Variants in MMRN1 observed in about 807,000 individuals in gnomAD.
The protein encoded by MMRN1 is multimerin-1.
MMRN1 carries 94 observed loss-of-function variants against 100.7 expected under a neutral mutation model. The ratio of observed to expected loss-of-function variants is 0.93; its 90% confidence interval spans 0.79 to 1.11. MMRN1 has a LOEUF of 1.11. Ranked by LOEUF, MMRN1 falls within the 50% of genes least tolerant of loss-of-function variation. The probability of loss-of-function intolerance (pLI) is 0.00; values close to 1 mark genes in which losing one functional copy is unlikely to be tolerated. For synonymous variants in MMRN1, 575 were observed against 505.0 expected (o/e 1.14, Z -1.86); for missense variants, 1,606 against 1,439.1 (o/e 1.12, Z -1.88).
chr4:89,929,654 G>C (rs1017495421), intron 5 of MMRN1, among the ~76,000 whole-genome samples: 3 of 152,040 alleles, frequency 2.0e-5, no homozygotes, highest in African/African-American at 7.2e-5. Flanking sequence ...TGACACAGGA[G>C]AAAAATCACA....
At chr4:89,883,631 A>T (rs954377208) in intron 1 of MMRN1, among the ~76,000 whole-genome samples, 2 of 152,096 alleles carry the variant, frequency 1.3e-5, no homozygotes, top group Non-Finnish European at 2.9e-5. Context: ...TTCATTTTAT[A>T]TTTTGAATGG....
intron 3 of MMRN1, among the ~76,000 whole-genome samples, chr4:89,915,068 T>G (rs1034435559): frequency 6.6e-6 from 1 of 151,550 alleles, no homozygotes; most frequent in African/African-American, 2.4e-5. Flanking sequence ...CTACCATATG[T>G]TATGAATATA....
chr4:89,933,964 C>G (rs1192319247), intron 5 of MMRN1, among the ~76,000 whole-genome samples: 1 of 151,652 alleles, frequency 6.6e-6, no homozygotes, highest in East Asian at 1.9e-4. Flanking sequence ...TAGTCATTTT[C>G]TATTCTAAAT....
At chr4:89,914,542 A>T (rs979176585) in intron 3 of MMRN1, among the ~76,000 whole-genome samples, 1 of 151,494 alleles carries the variant, frequency 6.6e-6, no homozygotes, top group African/African-American at 2.4e-5. Flanking sequence ...ATTGGGGGAA[A>T]AAAGGAGTAC....
chr4:89,951,559 A>G (rs774443528), intron 6 of MMRN1, 46 bp from the exon 7 acceptor site: 1 of 1,433,974 alleles, frequency 7.0e-7, no homozygotes, highest in South Asian at 1.6e-5. Flanking sequence ...CAACAGGAAA[A>G]TAGGTCACTT....
chr4:89,925,983 C>G (rs757406259), intron 4 of MMRN1, among the ~76,000 whole-genome samples: 4 of 152,132 alleles, frequency 2.6e-5, no homozygotes, highest in Non-Finnish European at 5.9e-5. Context: ...CTGAATAATA[C>G]TCCATTGTGT....
chr4:89,936,919 G>T, intron 6 of MMRN1, 121 bp downstream of exon 6: 6 of 850,466 alleles, frequency 7.1e-6, no homozygotes, highest in Admixed American at 3.5e-5. Context: ...TGGATAGATA[G>T]TCAAGTTGTG....
At chr4:89,898,121 C>T (rs948626623) in intron 1 of MMRN1, among the ~76,000 whole-genome samples, 4 of 152,096 alleles carry the variant, frequency 2.6e-5, no homozygotes, top group Admixed American at 2.0e-4. Context: ...AGGTCCTTCA[C>T]TTTTGGACAC....
chr4:89,928,860 GTA>G (rs1722346794), intron 5 of MMRN1, among the ~76,000 whole-genome samples: 1 of 152,114 alleles, frequency 6.6e-6, no homozygotes, highest in Admixed American at 6.6e-5. Context: ...GCCATGTAAG[GTA>G]CATATTCATG....
At position 89,936,508 on chromosome 4, in the gene MMRN1, C is replaced by T. The variant is rs780626303; in HGVS notation, c.2828C>T (p.Ala943Val). The change falls in exon 6 of 8, where the codon GCT becomes GTT. Residue 943 changes from alanine to valine, a missense_variant. Physicochemically the swap from Ala to Val is moderately conservative, Grantham distance 64. Coordinates refer to ENST00000264790, the MANE Select transcript of MMRN1 (RefSeq NM_007351.3). Reference sequence around the variant, plus strand: ...TCTACAAGTGTGTCAGAACTGAATGCTACCATCCCTAAGTGGATAAAACAT... The same window carrying T: ...TCTACAAGTGTGTCAGAACTGAATGTTACCATCCCTAAGTGGATAAAACAT... ...NASTSVSELN[A>V]TIPKWIKHSL... 6 of 1,613,178 alleles carry T rather than the reference C, an allele frequency of 3.7e-6. No individual in the cohort carries two copies. The highest frequency in any genetic ancestry group is 5.1e-6 in the Non-Finnish European group (6 of 1,179,680).
intron 5 of MMRN1, among the ~76,000 whole-genome samples, chr4:89,929,680 C>G: frequency 6.6e-6 from 1 of 152,048 alleles, no homozygotes; most frequent in Non-Finnish European, 1.5e-5. Context: ...ACAGCAACAG[C>G]ATTAATAATG....
At chr4:89,939,247 A>G (rs898173065) in intron 6 of MMRN1, among the ~76,000 whole-genome samples, 2 of 152,186 alleles carry the variant, frequency 1.3e-5, no homozygotes, top group Non-Finnish European at 2.9e-5. Context: ...GCTCTCCCAC[A>G]TAACTAAAGC....
At position 89,935,484 on chromosome 4, in the gene MMRN1, G is replaced by T; in HGVS notation, c.1804G>T (p.Asp602Tyr). 6.2e-7 allele frequency: 1 copy of T among 1,613,442 alleles called. No individual in the cohort carries two copies. The change falls in exon 6 of 8, where the codon GAT (aspartate) becomes TAT (tyrosine). Residue 602 changes from aspartate to tyrosine, a missense_variant. Physicochemically the swap from Asp to Tyr is radical, Grantham distance 160 (BLOSUM62 -3). Transcript: ENST00000264790. ...AGACATGTTATCCAAATGCAGAAATGATTTTAAATTTCAACTTAAGGACAC... is the reference window on the plus strand; with the variant it reads ...AGACATGTTATCCAAATGCAGAAATTATTTTAAATTTCAACTTAAGGACAC... ...CEDMLSKCRN[D>Y]FKFQLKDTEE...
Position 89,936,202 on chromosome 4 carries a change from T to C in MMRN1, c.2522T>C (p.Met841Thr), listed in dbSNP as rs1040173960. ...TSQVRKYQQN[M>T]SHLEEKLLLT... ...CAAGTGAGAAAATACCAGCAAAATA[T>C]GAGTCATTTGGAAGAAAAACTACTC... Residue 841 changes from methionine (M) to threonine (T), a missense_variant, in exon 6 of 8, where the codon ATG becomes ACG. Transcript: ENST00000264790. The C allele has an allele frequency of 1.2e-6, 2 of 1,606,356 alleles. No individual in the cohort carries two copies. Among genetic ancestry groups the C allele is most frequent in the Non-Finnish European group, 1.7e-6 (2 of 1,178,018 alleles).
chr4:89,907,122 A>G (rs551365567), intron 1 of MMRN1, among the ~76,000 whole-genome samples: 1 of 151,626 alleles, frequency 6.6e-6, no homozygotes, highest in South Asian at 2.1e-4. Flanking sequence ...CATTTGCATG[A>G]GGAATCTAGT....
Position 89,935,920 on chromosome 4 carries a change from C to A in MMRN1, c.2240C>A (p.Ala747Asp), listed in dbSNP as rs753478923. 10 of 1,609,110 alleles carry A rather than the reference C, an allele frequency of 6.2e-6. No homozygotes were observed. Among genetic ancestry groups the A allele is most frequent in the Non-Finnish European group, 8.5e-6 (10 of 1,177,652 alleles). ...NAIDFIQDNY[A>D]LKETLSTIKD... ...ATTGATTTCATTCAAGATAACTATG[C>A]CCTAAAAGAGACTTTAAGTACTATT... The change falls in exon 6 of 8, where the codon GCC becomes GAC. Residue 747 changes from alanine (A) to aspartate (D), a missense_variant. By Grantham distance (126) the Ala-to-Asp change is moderately radical. Transcript: ENST00000264790.
At chr4:89,883,892 T>C (rs1720875146) in intron 1 of MMRN1, among the ~76,000 whole-genome samples, 1 of 152,142 alleles carries the variant, frequency 6.6e-6, no homozygotes, top group African/African-American at 2.4e-5. Context: ...TTTAAATCTA[T>C]GAAACATCTC....
chr4:89,905,032 A>G (rs952653545), intron 1 of MMRN1, among the ~76,000 whole-genome samples: 6 of 151,684 alleles, frequency 4.0e-5, no homozygotes, highest in African/African-American at 1.5e-4. Context: ...AATTATCCAC[A>G]TATGTCAGAC....
intron 3 of MMRN1, among the ~76,000 whole-genome samples, chr4:89,916,376 A>C (rs63472760): frequency 2.9e-5 from 4 of 139,870 alleles, no homozygotes; most frequent in South Asian, 2.3e-4. Context: ...AAAAAAAAAA[A>C]CAAACAAACA....
Sources: gnomAD v4.1 joint callset for allele counts (sites outside exome capture counted in the v4.1 genomes callset) on GRCh38, gnomAD v4.1.1 for gene constraint, MANE v1.5 for transcripts, NCBI Gene and HGNC (gene_info 2026-07-23, HGNC 2026-07-21) for gene names.